Variants in TBC1D32 observed in about 807,000 individuals in gnomAD.
The protein encoded by TBC1D32 is TBC1 domain family member 32.
A neutral mutation model predicts 170.3 loss-of-function variants in TBC1D32; 151 were observed. That is an observed-to-expected ratio of 0.89 (90% CI 0.78 to 1.01). TBC1D32 has a LOEUF of 1.01. Ranked by LOEUF, TBC1D32 falls within the 50% of genes least tolerant of loss-of-function variation. The pLI is 0.00. For synonymous variants in TBC1D32, 498 were observed against 488.0 expected (o/e 1.02, Z -0.27); for missense variants, 1,464 against 1,457.1 (o/e 1.00, Z -0.08).
chr6:121,300,446 C>CA (rs1042267840), intron 9 of TBC1D32, among the ~76,000 whole-genome samples: 3 of 150,886 alleles, frequency 2.0e-5, no homozygotes, highest in African/African-American at 7.3e-5. Flanking sequence ...GACTCCATCT[C>CA]AAAAAAAAGA....
intron 30 of TBC1D32, among the ~76,000 whole-genome samples, chr6:121,091,619 T>G (rs1259926962): frequency 6.6e-6 from 1 of 152,184 alleles, no homozygotes; most frequent in East Asian, 1.9e-4. Context: ...TGAATAACAT[T>G]TGTTCAGATT....
chr6:121,226,594 A>G (rs1266088330), intron 20 of TBC1D32, among the ~76,000 whole-genome samples: 1 of 152,176 alleles, frequency 6.6e-6, no homozygotes, highest in Non-Finnish European at 1.5e-5. Context: ...TCAGAGATAC[A>G]TTACACCTAT....
chr6:121,195,744 C>A (rs1427417639), intron 22 of TBC1D32, among the ~76,000 whole-genome samples: 1 of 152,162 alleles, frequency 6.6e-6, no homozygotes, highest in Non-Finnish European at 1.5e-5. Context: ...GGGCCTGGTT[C>A]ACAGATGGTT....
At chr6:121,119,684 T>C (rs975346028) in intron 26 of TBC1D32, among the ~76,000 whole-genome samples, 1 of 152,166 alleles carries the variant, frequency 6.6e-6, no homozygotes, top group African/African-American at 2.4e-5. Flanking sequence ...AAGATACCTA[T>C]ATGAATTTAC....
Position 121,304,345 on chromosome 6 carries a change from T to A in TBC1D32, c.935+20A>T, listed in dbSNP as rs1319699745. ...AACACCGCTAGGTTTTATGCTGGCATACATTGGGAGGGGACTTACTTCTCT... is the reference window on the plus strand; with the variant it reads ...AACACCGCTAGGTTTTATGCTGGCAAACATTGGGAGGGGACTTACTTCTCT... On this transcript the variant is annotated intron_variant, in intron 8 of 31. Coordinates refer to ENST00000398212, the MANE Select transcript of TBC1D32 (RefSeq NM_152730.6). 6.8e-6 allele frequency: 11 copies of A among 1,611,624 alleles called. No individual in the cohort carries two copies. The highest frequency in any genetic ancestry group is 9.3e-6 in the Non-Finnish European group (11 of 1,178,606).
chr6:121,154,880 T>C (rs1464519482), intron 24 of TBC1D32, among the ~76,000 whole-genome samples: 2 of 152,184 alleles, frequency 1.3e-5, no homozygotes, highest in African/African-American at 4.8e-5. Context: ...TCTGCACCAG[T>C]ACCATGCCAT....
intron 12 of TBC1D32, among the ~76,000 whole-genome samples, chr6:121,290,765 G>C (rs1804711945): frequency 6.6e-6 from 1 of 151,668 alleles, no homozygotes; most frequent in African/African-American, 2.4e-5. Flanking sequence ...GTCCAACAAT[G>C]ATAGACTGGA....
intron 13 of TBC1D32, among the ~76,000 whole-genome samples, chr6:121,282,695 C>T (rs1489317085): frequency 6.6e-6 from 1 of 151,674 alleles, no homozygotes; most frequent in Non-Finnish European, 1.5e-5. Flanking sequence ...TAATACATAC[C>T]AGACACTGTA....
intron 23 of TBC1D32, 140 bp from the exon 24 acceptor site, chr6:121,160,243 T>C: frequency 1.8e-6 from 1 of 557,838 alleles, no homozygotes; most frequent in Non-Finnish European, 3.2e-6. Flanking sequence ...AACCAAAAGC[T>C]ATTTGATACT....
chr6:121,220,009 G>A (rs1794310779), intron 21 of TBC1D32, among the ~76,000 whole-genome samples: 1 of 152,124 alleles, frequency 6.6e-6, no homozygotes, highest in South Asian at 2.1e-4. Context: ...CCACCAACTG[G>A]TCATCCACCT....
At chr6:121,196,013 T>G (rs1292231475) in intron 22 of TBC1D32, among the ~76,000 whole-genome samples, 1 of 152,104 alleles carries the variant, frequency 6.6e-6, no homozygotes, top group Non-Finnish European at 1.5e-5. Flanking sequence ...TGGTGAGAAA[T>G]AAATTTGGGG....
chr6:121,086,075 A>G (rs939125603), intron 31 of TBC1D32, among the ~76,000 whole-genome samples: 2 of 152,134 alleles, frequency 1.3e-5, no homozygotes, highest in East Asian at 1.9e-4. Context: ...TATTCTCTAC[A>G]TATCTTCTTC....
At chr6:121,096,807 C>T (rs1777469493) in intron 30 of TBC1D32, among the ~76,000 whole-genome samples, 4 of 152,110 alleles carry the variant, frequency 2.6e-5, no homozygotes, top group African/African-American at 9.7e-5. Flanking sequence ...TACTACAAGG[C>T]TACAGTAACC....
At chr6:121,099,899 T>C (rs1777823543) in intron 30 of TBC1D32, among the ~76,000 whole-genome samples, 1 of 151,982 alleles carries the variant, frequency 6.6e-6, no homozygotes, top group Admixed American at 6.6e-5. Context: ...GATAAAGATA[T>C]ATCCAATTAC....
intron 24 of TBC1D32, among the ~76,000 whole-genome samples, chr6:121,136,902 G>A (rs367834114): frequency 6.6e-6 from 1 of 152,150 alleles, no homozygotes; most frequent in South Asian, 2.1e-4. Flanking sequence ...ATACTAGTAC[G>A]TTACTAAAAT....
At chr6:121,118,763 C>T (rs1374332344) in intron 26 of TBC1D32, among the ~76,000 whole-genome samples, 1 of 152,164 alleles carries the variant, frequency 6.6e-6, no homozygotes, top group Non-Finnish European at 1.5e-5. Context: ...ATTTCTTCCT[C>T]CCTGCTTCCT....
At chr6:121,203,284 T>C (rs1253611432) in intron 22 of TBC1D32, among the ~76,000 whole-genome samples, 2 of 151,382 alleles carry the variant, frequency 1.3e-5, no homozygotes, top group Non-Finnish European at 2.9e-5. Context: ...CTAAAGATTA[T>C]TATGAATAGA....
chr6:121,129,201 A>G (rs1781163146), intron 25 of TBC1D32, among the ~76,000 whole-genome samples: 1 of 152,214 alleles, frequency 6.6e-6, no homozygotes, highest in African/African-American at 2.4e-5. Flanking sequence ...ACTGATTCCA[A>G]AACTAGGACA....
At chr6:121,248,379 T>C (rs1011330545) in intron 17 of TBC1D32, among the ~76,000 whole-genome samples, 1 of 151,644 alleles carries the variant, frequency 6.6e-6, no homozygotes, top group African/African-American at 2.4e-5. Context: ...AGAGCACAAA[T>C]AGACAACCTA....
Sources: allele counts gnomAD v4.1 joint callset (sites outside exome capture counted in the v4.1 genomes callset), GRCh38; gene constraint gnomAD v4.1.1; transcripts MANE v1.5; gene names NCBI Gene and HGNC (gene_info 2026-07-23, HGNC 2026-07-21).